The following HSD17B12 variants were observed in gnomAD, a reference collection of about 807,000 sequenced individuals.
The protein encoded by HSD17B12 is very-long-chain 3-oxoacyl-CoA reductase.
In HSD17B12, 32 loss-of-function variants were observed where a neutral mutation model predicts 39.3. That is an observed-to-expected ratio of 0.81 (90% CI 0.61 to 1.09). The LOEUF is 1.09. Among genes scored for constraint, HSD17B12 ranks in the 50% least tolerant of loss-of-function variants. The pLI, the probability that HSD17B12 is intolerant of heterozygous loss-of-function variation, is 0.00. For missense variants in HSD17B12, 342 were observed against 382.9 expected (o/e 0.89, Z 0.89); for synonymous variants, 150 against 146.7 (o/e 1.02, Z -0.16).
the HSD17B12 span, among the ~76,000 whole-genome samples, chr11:43,652,981 A>AT: frequency 6.6e-5 from 10 of 151,332 alleles, no homozygotes; most frequent in Non-Finnish European, 7.4e-5. Flanking sequence ...CTCTGGCAGC[A>AT]TTTTTTTTTC....
chr11:43,645,431 C>T, the HSD17B12 span: 145 of 152,140 alleles, frequency 9.5e-4, no homozygotes, highest in African/African-American at 3.5e-3. Flanking sequence ...TTTTTTCATT[C>T]AAGTTTGGTA....
intron 3 of HSD17B12, among the ~76,000 whole-genome samples, 172 bp from the exon 4 acceptor site, chr11:43,798,148 A>G (rs1307804679): frequency 6.6e-6 from 1 of 152,186 alleles, no homozygotes; most frequent in African/African-American, 2.4e-5. Context: ...TGTTGACTCT[A>G]TATCATCTCT....
At position 43,783,469 on chromosome 11, in the gene HSD17B12, T is replaced by C. The variant is rs188722915; in HGVS notation, c.284-14851T>C. Among the ~76,000 whole-genome samples the C allele has an allele frequency of 9.4e-4, 142 of 151,850 alleles. 3 individuals are homozygous for C. Among genetic ancestry groups the C allele is most frequent in the Admixed American group, 9.3e-3 (141 of 15,226 alleles). ...GGGATACACGTGCAGAACATGCAAG[T>C]TTGTTACATAGGTATACACGTGCCA... On this transcript the variant is annotated intron_variant, in intron 3 of 10. Coordinates refer to ENST00000278353, the MANE Select transcript of HSD17B12 (RefSeq NM_016142.3).
chr11:43,689,271 T>C (rs1299218114), intron 1 of HSD17B12, among the ~76,000 whole-genome samples: 2 of 152,232 alleles, frequency 1.3e-5, no homozygotes, highest in African/African-American at 2.4e-5. Context: ...TCCCGTTGAC[T>C]CTGAACTTCA....
At chr11:43,593,669 AT>A in the HSD17B12 span, among the ~76,000 whole-genome samples, 2 of 152,284 alleles carry the variant, frequency 1.3e-5, no homozygotes, top group Admixed American at 1.3e-4. Context: ...AAGAAATATA[AT>A]TATAACCTTT....
the HSD17B12 span, among the ~76,000 whole-genome samples, chr11:43,669,453 A>G: frequency 3.3e-5 from 5 of 151,802 alleles, no homozygotes; most frequent in East Asian, 1.9e-4. Flanking sequence ...GTGAGCCAAG[A>G]TGGTGCCACT....
chr11:43,777,685 A>T (rs1276723226), intron 3 of HSD17B12, among the ~76,000 whole-genome samples: 1 of 152,208 alleles, frequency 6.6e-6, no homozygotes, highest in Non-Finnish European at 1.5e-5. Context: ...GTCTTGTGCC[A>T]GTTTTCAAAG....
chr11:43,705,405 G>A (rs1236253196), intron 1 of HSD17B12, among the ~76,000 whole-genome samples: 1 of 152,162 alleles, frequency 6.6e-6, no homozygotes, highest in Admixed American at 6.5e-5. Flanking sequence ...GGGATGATCT[G>A]CTTTTAGTTA....
intron 3 of HSD17B12, among the ~76,000 whole-genome samples, chr11:43,776,073 C>T (rs1170780857): frequency 6.6e-6 from 1 of 152,144 alleles, no homozygotes; most frequent in Non-Finnish European, 1.5e-5. Context: ...CATACGTGTG[C>T]ATGCGTCTTT....
chr11:43,841,826 AC>A (rs777859497), intron 9 of HSD17B12, among the ~76,000 whole-genome samples: 2 of 152,132 alleles, frequency 1.3e-5, no homozygotes, highest in African/African-American at 2.4e-5. Flanking sequence ...CAAGTATTTC[AC>A]TTTTTGTATC....
intron 2 of HSD17B12, among the ~76,000 whole-genome samples, chr11:43,753,533 C>T (rs1469997526): frequency 6.8e-6 from 1 of 147,626 alleles, no homozygotes; most frequent in Non-Finnish European, 1.5e-5. Context: ...GAACTACAGG[C>T]ATGTGCCACC....
At chr11:43,651,766 A>G in the HSD17B12 span, among the ~76,000 whole-genome samples, 1 of 152,128 alleles carries the variant, frequency 6.6e-6, no homozygotes, top group African/African-American at 2.4e-5. Context: ...TTTAGTAGAG[A>G]CAGGGTTTCA....
At chr11:43,824,901 C>A (rs1421458397) in intron 6 of HSD17B12, among the ~76,000 whole-genome samples, 2 of 152,060 alleles carry the variant, frequency 1.3e-5, no homozygotes, top group East Asian at 3.9e-4. Flanking sequence ...GAGGCTGAGG[C>A]AGGAGGATCA....
intron 3 of HSD17B12, among the ~76,000 whole-genome samples, chr11:43,764,447 T>A (rs1950579169): frequency 6.6e-6 from 1 of 152,148 alleles, no homozygotes; most frequent in Admixed American, 6.5e-5. Flanking sequence ...CAGGGGCTTT[T>A]CCAAATTTGA....
intron 9 of HSD17B12, chr11:43,854,108 G>C (rs1951558862): frequency 6.6e-6 from 1 of 152,128 alleles, no homozygotes; most frequent in East Asian, 1.9e-4. Flanking sequence ...TTTCCATATT[G>C]TTAGACTGTG....
At chr11:43,665,500 T>C in the HSD17B12 span, among the ~76,000 whole-genome samples, 1 of 152,006 alleles carries the variant, frequency 6.6e-6, no homozygotes, top group Non-Finnish European at 1.5e-5. Context: ...GTTACAGGAG[T>C]GAGCCACCAT....
At chr11:43,651,618 C>T in the HSD17B12 span, among the ~76,000 whole-genome samples, 7 of 152,184 alleles carry the variant, frequency 4.6e-5, no homozygotes, top group African/African-American at 1.7e-4. Flanking sequence ...CTCGCTCTGT[C>T]GCCCCAGGCT....
chr11:43,743,831 C>T (rs1284062484), intron 1 of HSD17B12, among the ~76,000 whole-genome samples: 1 of 151,954 alleles, frequency 6.6e-6, no homozygotes, highest in Non-Finnish European at 1.5e-5. Flanking sequence ...ATGAGAGTGA[C>T]CAAAACAATC....
the HSD17B12 span, among the ~76,000 whole-genome samples, chr11:43,622,121 G>A: frequency 2.0e-5 from 3 of 152,170 alleles, no homozygotes; most frequent in African/African-American, 4.8e-5. Context: ...CACCCTAAAC[G>A]ATTTGAAGTG....
Sources: allele counts gnomAD v4.1 joint callset (sites outside exome capture counted in the v4.1 genomes callset), GRCh38; gene constraint gnomAD v4.1.1; transcripts MANE v1.5; gene names NCBI Gene and HGNC (gene_info 2026-07-23, HGNC 2026-07-21).